Variants in FSTL4 observed in about 807,000 individuals in gnomAD.
The protein encoded by FSTL4 is follistatin like 4.
FSTL4 carries 28 observed loss-of-function variants against 78.2 expected under a neutral mutation model. The observed-to-expected ratio is 0.36, with a 90% CI of 0.27 to 0.49. The LOEUF is 0.49. Among genes scored for constraint, FSTL4 ranks in the 20% least tolerant of loss-of-function variants. The probability of loss-of-function intolerance (pLI) is 0.98; values close to 1 mark genes in which losing one functional copy is unlikely to be tolerated. For missense variants in FSTL4, 922 were observed against 1,084.9 expected, an observed-to-expected ratio of 0.85 and a Z score of 2.11; for synonymous variants, 422 against 440.5, an observed-to-expected ratio of 0.96 and a Z score of 0.53.
intron 3 of FSTL4, among the ~76,000 whole-genome samples, chr5:133,531,476 TGAGTGTG>T (rs1373463626): frequency 6.6e-6 from 1 of 152,182 alleles, no homozygotes; most frequent in Non-Finnish European, 1.5e-5. Flanking sequence ...GGGCCAGAGC[TGAGTGTG>T]GAGTGTGGAT....
intron 3 of FSTL4, among the ~76,000 whole-genome samples, chr5:133,565,569 A>T (rs1419819772): frequency 3.9e-5 from 6 of 152,220 alleles, no homozygotes; most frequent in African/African-American, 1.4e-4. Context: ...GTATGTTCCT[A>T]AGTCAACCAT....
chr5:133,425,227 T>C (rs1470018), intron 3 of FSTL4, among the ~76,000 whole-genome samples: 34,762 of 151,030 alleles, frequency 0.23, 4,084 homozygotes, highest in Non-Finnish European at 0.25. Context: ...CAAAGTGACC[T>C]AAAAAAAAAG....
the FSTL4 span, among the ~76,000 whole-genome samples, chr5:133,656,741 A>G: frequency 6.6e-6 from 1 of 152,156 alleles, no homozygotes; most frequent in Non-Finnish European, 1.5e-5. Flanking sequence ...ATTTTACTCT[A>G]GGTGTGATGG....
the FSTL4 span, among the ~76,000 whole-genome samples, chr5:133,822,267 G>A: frequency 6.6e-6 from 1 of 152,060 alleles, no homozygotes; most frequent in Non-Finnish European, 1.5e-5. Flanking sequence ...AATTTTTAGG[G>A]GCTTGGAGAT....
chr5:133,629,764 C>G, the FSTL4 span, among the ~76,000 whole-genome samples: 1 of 152,114 alleles, frequency 6.6e-6, no homozygotes, highest in East Asian at 1.9e-4. Context: ...ACTGGCAATC[C>G]AAATCCAGCA....
At chr5:133,331,598 T>C (rs1754348216) in intron 4 of FSTL4, among the ~76,000 whole-genome samples, 1 of 152,144 alleles carries the variant, frequency 6.6e-6, no homozygotes, top group Non-Finnish European at 1.5e-5. Flanking sequence ...TACGTGCTCT[T>C]ACATGAGCTT....
the FSTL4 span, among the ~76,000 whole-genome samples, chr5:133,731,660 T>C: frequency 6.6e-6 from 1 of 152,168 alleles, no homozygotes; most frequent in East Asian, 1.9e-4. Context: ...TACTATGCCC[T>C]TGAAAGTAGC....
intron 3 of FSTL4, among the ~76,000 whole-genome samples, chr5:133,421,279 T>G (rs1251836512): frequency 6.6e-6 from 1 of 152,236 alleles, no homozygotes; most frequent in Non-Finnish European, 1.5e-5. Context: ...TTTGAACACA[T>G]CCTGGTACAG....
chr5:133,800,539 TTGCTTAA>T, the FSTL4 span, among the ~76,000 whole-genome samples: 3 of 138,590 alleles, frequency 2.2e-5, no homozygotes, highest in Non-Finnish European at 3.2e-5. Context: ...TGGACAAGCT[TTGCTTAA>T]GGGGAACAGG....
At chr5:133,828,150 G>C in the FSTL4 span, among the ~76,000 whole-genome samples, 1 of 152,180 alleles carries the variant, frequency 6.6e-6, no homozygotes, top group Non-Finnish European at 1.5e-5. Context: ...TTCCCTAGGG[G>C]AGGACAAGGG....
chr5:133,591,197 G>A lies in FSTL4; in HGVS notation c.126+12661C>T, dbSNP rs187055338. ...TGTCTGCAGGGACATCCTAGGAATGGATAAGTTGGGCTTCTGAGCTGCCCA... is the reference window on the plus strand; with the variant it reads ...TGTCTGCAGGGACATCCTAGGAATGAATAAGTTGGGCTTCTGAGCTGCCCA... On this transcript the variant is annotated intron_variant, in intron 2 of 15. Coordinates refer to ENST00000265342, the MANE Select transcript of FSTL4 (RefSeq NM_015082.2). Among the ~76,000 whole-genome samples, 10 of 152,286 alleles carry A rather than the reference G, an allele frequency of 6.6e-5. No homozygotes were observed. The East Asian group carries it at 1.9e-3, about 29-fold the overall frequency.
At chr5:133,669,524 G>A in the FSTL4 span, among the ~76,000 whole-genome samples, 5 of 152,160 alleles carry the variant, frequency 3.3e-5, no homozygotes, top group Admixed American at 1.3e-4. Context: ...AGCAAGGGCT[G>A]AAGTGTGCCC....
At chr5:133,240,045 A>G (rs898925563) in intron 7 of FSTL4, among the ~76,000 whole-genome samples, 2 of 152,228 alleles carry the variant, frequency 1.3e-5, no homozygotes, top group Admixed American at 6.5e-5. Flanking sequence ...TGCTCTTTGC[A>G]ATAAATGCTG....
chr5:133,787,467 T>A, the FSTL4 span, among the ~76,000 whole-genome samples: 2 of 152,108 alleles, frequency 1.3e-5, no homozygotes, highest in African/African-American at 4.8e-5. Context: ...GGTCAGAGGC[T>A]CACAAAACCA....
chr5:133,613,266 G>T (rs1377675959), upstream of FSTL4, among the ~76,000 whole-genome samples: 1 of 152,190 alleles, frequency 6.6e-6, no homozygotes, highest in African/African-American at 2.4e-5. Context: ...ACAACTAGGG[G>T]CCCATAAATG....
intron 3 of FSTL4, among the ~76,000 whole-genome samples, chr5:133,454,624 G>A (rs535486778): frequency 1.3e-5 from 2 of 152,290 alleles, no homozygotes; most frequent in Admixed American, 6.5e-5. Context: ...GGAATCACAC[G>A]TTAGCTGGGA....
At chr5:133,308,366 CT>C (rs748444677) in intron 6 of FSTL4, among the ~76,000 whole-genome samples, 18 of 152,310 alleles carry the variant, frequency 1.2e-4, no homozygotes, top group Middle Eastern at 3.4e-3. Flanking sequence ...TATTTAAAAT[CT>C]TGTTACTTAC....
At chr5:133,722,110 T>C in the FSTL4 span, among the ~76,000 whole-genome samples, 1 of 152,024 alleles carries the variant, frequency 6.6e-6, no homozygotes, top group Non-Finnish European at 1.5e-5. Context: ...CCAGTACCAG[T>C]CCATGGCCTA....
At chr5:133,706,707 A>G in the FSTL4 span, among the ~76,000 whole-genome samples, 5 of 152,076 alleles carry the variant, frequency 3.3e-5, no homozygotes, top group Non-Finnish European at 5.9e-5. Flanking sequence ...TGACCAGCCC[A>G]CTTCCACGAG....
Sources: allele counts gnomAD v4.1 joint callset (sites outside exome capture counted in the v4.1 genomes callset), GRCh38; gene constraint gnomAD v4.1.1; transcripts MANE v1.5; gene names NCBI Gene and HGNC (gene_info 2026-07-23, HGNC 2026-07-21).